The following AHI1 variants were observed in gnomAD, a reference collection of about 807,000 sequenced individuals.
The protein encoded by AHI1 is jouberin.
AHI1 carries 123 observed loss-of-function variants against 149.3 expected under a neutral mutation model. The ratio of observed to expected loss-of-function variants is 0.82; its 90% confidence interval spans 0.71 to 0.96. The LOEUF (loss-of-function observed/expected upper bound fraction) is 0.96. Among genes scored for constraint, AHI1 ranks in the 40% least tolerant of loss-of-function variants. AHI1 has a pLI of 0.00. For synonymous variants in AHI1, 475 were observed against 459.8 expected (o/e 1.03, Z -0.42); for missense variants, 1,439 against 1,422.7 (o/e 1.01, Z -0.18).
intron 23 of AHI1, chr6:135,388,183 T>TTAA: frequency 6.2e-6 from 5 of 801,496 alleles, no homozygotes; most frequent in Non-Finnish European, 9.6e-6. Context: ...AATTAATGCC[T>TTAA]TTTACCTATT....
intron 7 of AHI1, among the ~76,000 whole-genome samples, chr6:135,464,320 C>T (rs573656080): frequency 5.9e-5 from 9 of 152,190 alleles, no homozygotes; most frequent in East Asian, 1.9e-4. Flanking sequence ...GCCACTGTCA[C>T]GTGTTATTAA....
intron 24 of AHI1, among the ~76,000 whole-genome samples, chr6:135,324,817 T>C (rs1787401996): frequency 6.6e-6 from 1 of 151,476 alleles, no homozygotes; most frequent in African/African-American, 2.4e-5. Context: ...CACATAACTG[T>C]TTCTGATACC....
Position 135,397,853 on chromosome 6 carries a change from GTGA to G in AHI1, c.2989-2960_2989-2958del, listed in dbSNP as rs543436424. ...AGAATTGTTTATGAAGTTTCAAGCTGTGATGATATCATATCTCAAGTTGGTTTT... is the reference window on the plus strand; with the variant it reads ...AGAATTGTTTATGAAGTTTCAAGCTGTGATATCATATCTCAAGTTGGTTTT... On this transcript the variant is annotated intron_variant, in intron 22 of 28. Transcript: ENST00000265602. 4.2e-3 allele frequency among the ~76,000 whole-genome samples: 642 copies of G among 152,166 alleles called. 2 individuals are homozygous for G. Among genetic ancestry groups the G allele is most frequent in the African/African-American group, 0.015 (615 of 41,540 alleles).
chr6:135,440,111 C>T (rs1258102152), intron 14 of AHI1, among the ~76,000 whole-genome samples: 3 of 152,082 alleles, frequency 2.0e-5, no homozygotes, highest in Non-Finnish European at 4.4e-5. Flanking sequence ...GCCTTAAAAA[C>T]CAATAAAAAT....
chr6:135,455,340 T>A (rs2614267), intron 10 of AHI1, among the ~76,000 whole-genome samples: 66,856 of 152,018 alleles, frequency 0.44, 17,743 homozygotes, highest in East Asian at 0.59. Flanking sequence ...TGTGTACATT[T>A]ATCTTTATTT....
intron 14 of AHI1, among the ~76,000 whole-genome samples, chr6:135,440,755 T>C (rs1472333098): frequency 6.6e-6 from 1 of 152,134 alleles, no homozygotes; most frequent in Non-Finnish European, 1.5e-5. Flanking sequence ...CAGACATCAA[T>C]GGCAACACAT....
intron 23 of AHI1, among the ~76,000 whole-genome samples, chr6:135,388,749 TG>T (rs200447556): frequency 1.3e-5 from 2 of 152,190 alleles, no homozygotes; most frequent in East Asian, 3.8e-4. Context: ...CAGTGGCTCA[TG>T]CCTGTAATCC....
At chr6:135,388,557 G>A (rs982482590) in intron 23 of AHI1, among the ~76,000 whole-genome samples, 10 of 152,098 alleles carry the variant, frequency 6.6e-5, no homozygotes, top group African/African-American at 2.4e-4. Context: ...CATTTCAGTT[G>A]TCTAAAAAGT....
rs372138911 is a variant in AHI1, at chr6:135,354,177, C to T, written c.3165+3955G>A. Among the ~76,000 whole-genome samples, 130 of 152,076 alleles carry T rather than the reference C, an allele frequency of 8.5e-4. 3 individuals carry two copies. The South Asian group carries it at 0.026, about 30-fold the overall frequency. On this transcript the variant is annotated intron_variant, in intron 24 of 28. Transcript: ENST00000265602. ...CTAAAAGAAGCTTTGTTCTCTCTACCGGGGTTACAGGGTCACTGAATAAAA... is the reference window on the plus strand; with the variant it reads ...CTAAAAGAAGCTTTGTTCTCTCTACTGGGGTTACAGGGTCACTGAATAAAA...
At chr6:135,373,975 T>C (rs1482858470) in intron 23 of AHI1, among the ~76,000 whole-genome samples, 1 of 151,396 alleles carries the variant, frequency 6.6e-6, no homozygotes, top group Non-Finnish European at 1.5e-5. Context: ...AGAACAGAGA[T>C]AGAATTATGG....
chr6:135,365,295 T>C (rs185717154), intron 23 of AHI1, among the ~76,000 whole-genome samples: 1 of 152,332 alleles, frequency 6.6e-6, no homozygotes, highest in East Asian at 1.9e-4. Flanking sequence ...ACATGGGCTC[T>C]TTCTTTGGTT....
At position 135,471,779 on chromosome 6, in the gene AHI1, G is replaced by A. The variant is rs918081809; in HGVS notation, c.136-4145C>T. ...TGTAATCCCAGCACTTTGGGAGGCC[G>A]AGGCGGGTGGATCATGAGGTCAGGA... On this transcript the variant is annotated intron_variant, in intron 5 of 28. Transcript: ENST00000265602. Among the ~76,000 whole-genome samples the A allele has an allele frequency of 3.3e-5, 5 of 151,918 alleles. No individual in the cohort carries two copies. The East Asian group carries it at 5.8e-4, about 18-fold the overall frequency.
intron 3 of AHI1, among the ~76,000 whole-genome samples, chr6:135,494,484 G>T (rs1795700359): frequency 6.6e-6 from 1 of 152,108 alleles, no homozygotes; most frequent in Admixed American, 6.6e-5. Context: ...CACCTCTATG[G>T]ATATCAACTT....
chr6:135,412,293 A>C (rs1004513996), intron 20 of AHI1, among the ~76,000 whole-genome samples: 5 of 152,224 alleles, frequency 3.3e-5, no homozygotes, highest in African/African-American at 1.2e-4. Flanking sequence ...ATGTCCACAG[A>C]TTATATGCAA....
chr6:135,284,409 G>C lies in AHI1; in HGVS notation c.*1236C>G, dbSNP rs1047545748. ...GGAATTGACTGTCTAATTTGGATAG[G>C]TCTTTCTAATTTTATATTAGTTTTC... On this transcript the variant is annotated 3_prime_UTR_variant, in exon 29 of 29. Coordinates refer to ENST00000265602, the MANE Select transcript of AHI1 (RefSeq NM_001134831.2). The C allele has an allele frequency of 6.6e-6, 1 of 151,978 alleles. No individual in the cohort carries two copies. The highest frequency in any genetic ancestry group is 2.4e-5 in the African/African-American group (1 of 41,386). 9.4% of individuals were successfully genotyped at this position (151,978 alleles called of 1,614,324 possible). A position where few individuals can be genotyped will look rare whatever the true frequency, so the allele number is the denominator to read the frequency against.
chr6:135,351,135 CAAAAAAAACAAA>C (rs1042937309), intron 24 of AHI1, among the ~76,000 whole-genome samples: 3 of 131,392 alleles, frequency 2.3e-5, no homozygotes, highest in African/African-American at 1.0e-4. Flanking sequence ...AAACAAAAAA[CAAAAAAAACAAA>C]AAAAAAAAAA....
intron 23 of AHI1, among the ~76,000 whole-genome samples, chr6:135,379,905 TTTCC>T (rs1304241132): frequency 1.3e-5 from 2 of 148,794 alleles, no homozygotes; most frequent in Non-Finnish European, 3.0e-5. Flanking sequence ...CTCCCTTCCC[TTTCC>T]TTCCTTCCTT....
At chr6:135,433,682 G>A (rs1256156140) in intron 15 of AHI1, among the ~76,000 whole-genome samples, 1 of 152,034 alleles carries the variant, frequency 6.6e-6, no homozygotes, top group Non-Finnish European at 1.5e-5. Flanking sequence ...ATTAATGGGG[G>A]TTTAGAGAAT....
rs761150146 is a variant in AHI1 at position 135,442,636 on chromosome 6, T to C, written c.1858A>G (p.Asn620Asp). 6.2e-7 allele frequency: 1 copy of C among 1,610,018 alleles called. No individual in the cohort carries two copies. The highest frequency in any genetic ancestry group is 2.2e-5 in the East Asian group (1 of 44,772). Residue 620 changes from asparagine to aspartate, a missense_variant, in exon 14 of 29, where the codon AAT (asparagine) becomes GAT (aspartate). Transcript: ENST00000265602. ...CAAGCTGCTGCTAATATTCTTCCATTGTGGGAGAAATCAAGACAAAAACAT... is the reference window on the plus strand; with the variant it reads ...CAAGCTGCTGCTAATATTCTTCCATCGTGGGAGAAATCAAGACAAAAACAT... Reference protein sequence around the residue: ...RGCFCLDFSHNGRILAAACAS... With the variant: ...RGCFCLDFSHDGRILAAACAS...
Sources: allele counts gnomAD v4.1 joint callset (sites outside exome capture counted in the v4.1 genomes callset), GRCh38; gene constraint gnomAD v4.1.1; transcripts MANE v1.5; gene names NCBI Gene and HGNC (gene_info 2026-07-23, HGNC 2026-07-21).